Variants in TMEM74 observed in about 807,000 individuals in gnomAD.
TMEM74 encodes the protein transmembrane protein 74.
In TMEM74, 13 loss-of-function variants were observed where a neutral mutation model predicts 18.1. That is an observed-to-expected ratio of 0.72 (90% CI 0.47 to 1.14). The LOEUF (loss-of-function observed/expected upper bound fraction) is 1.14, where lower values mean the gene tolerates loss of function less well. Ranked by LOEUF, TMEM74 falls within the 50% of genes most tolerant of loss-of-function variation. The probability of loss-of-function intolerance (pLI) is 0.00; values close to 1 mark genes in which losing one functional copy is unlikely to be tolerated. For missense variants in TMEM74, 372 were observed against 375.9 expected (o/e 0.99, Z 0.09); for synonymous variants, 159 against 146.6 (o/e 1.08, Z -0.61).
intron 1 of TMEM74, among the ~76,000 whole-genome samples, chr8:108,668,796 CTT>C (rs1241585562): frequency 1.3e-5 from 2 of 152,082 alleles, no homozygotes; most frequent in Non-Finnish European, 2.9e-5. Flanking sequence ...ACATTAAAAA[CTT>C]TTTTGTCAAT....
intron 2 of TMEM74, among the ~76,000 whole-genome samples, chr8:108,630,765 G>A (rs973692706): frequency 1.3e-5 from 2 of 151,956 alleles, no homozygotes; most frequent in Non-Finnish European, 2.9e-5. Context: ...AAATCAAAAA[G>A]TTCTTTGAAA....
intron 1 of TMEM74, among the ~76,000 whole-genome samples, chr8:108,687,318 A>C (rs1455335355): frequency 6.7e-6 from 1 of 150,210 alleles, no homozygotes; most frequent in Non-Finnish European, 1.5e-5. Flanking sequence ...TTTCTGCACA[A>C]GGAAAGATCC....
Position 108,773,833 on chromosome 8 carries a change from G to A in TMEM74, n.119+13643C>T, listed in dbSNP as rs1334170709. 9.9e-5 allele frequency among the ~76,000 whole-genome samples: 15 copies of A among 152,246 alleles called. 1 individual carries two copies. The South Asian group carries it at 2.3e-3, about 23-fold the overall frequency. ...GTCGCAGGCAAGCCTTAAAATGCCCGTAACCCTAGCCAACAGCGTGACTGA... is the reference window on the plus strand; with the variant it reads ...GTCGCAGGCAAGCCTTAAAATGCCCATAACCCTAGCCAACAGCGTGACTGA... On this transcript the variant is annotated intron_variant and non_coding_transcript_variant, in intron 1 of 3. Coordinates refer to the TMEM74 transcript ENST00000518838.
At chr8:108,729,980 A>G (rs1015910135) in intron 1 of TMEM74, among the ~76,000 whole-genome samples, 1 of 152,210 alleles carries the variant, frequency 6.6e-6, no homozygotes, top group African/African-American at 2.4e-5. Flanking sequence ...ACTGGACCCC[A>G]CGAATACTTC....
chr8:108,742,322 A>C (rs1277726269), intron 1 of TMEM74, among the ~76,000 whole-genome samples: 1 of 152,236 alleles, frequency 6.6e-6, no homozygotes, highest in African/African-American at 2.4e-5. Context: ...TTCACAGCAC[A>C]TAAATAATTT....
chr8:108,693,803 A>G (rs1349579174), intron 1 of TMEM74, among the ~76,000 whole-genome samples: 1 of 152,218 alleles, frequency 6.6e-6, no homozygotes, highest in Non-Finnish European at 1.5e-5. Flanking sequence ...AGAGTAAAGA[A>G]TAATACACGA....
chr8:108,676,435 C>G (rs1461956800), intron 1 of TMEM74, among the ~76,000 whole-genome samples: 1 of 152,066 alleles, frequency 6.6e-6, no homozygotes, highest in East Asian at 1.9e-4. Context: ...CACAGTCCCC[C>G]CTCAAAGCCT....
At chr8:108,710,123 G>GT (rs1284316862) in intron 1 of TMEM74, among the ~76,000 whole-genome samples, 1 of 152,208 alleles carries the variant, frequency 6.6e-6, no homozygotes, top group African/African-American at 2.4e-5. Context: ...GCATCATAAG[G>GT]TGCCTAGCAC....
intron 2 of TMEM74, among the ~76,000 whole-genome samples, chr8:108,638,882 G>A (rs1586243087): frequency 6.6e-6 from 1 of 152,142 alleles, no homozygotes; most frequent in African/African-American, 2.4e-5. Flanking sequence ...TGACTGAGGC[G>A]TGACCATGTG....
At chr8:108,718,897 G>A (rs1259194872) in intron 1 of TMEM74, among the ~76,000 whole-genome samples, 1 of 151,636 alleles carries the variant, frequency 6.6e-6, no homozygotes, top group Non-Finnish European at 1.5e-5. Context: ...AAGCAATAAA[G>A]AGATAATGAA....
At chr8:108,693,481 C>A (rs1289198493) in intron 1 of TMEM74, among the ~76,000 whole-genome samples, 1 of 152,118 alleles carries the variant, frequency 6.6e-6, no homozygotes, top group Admixed American at 6.6e-5. Context: ...AAAGTCACTC[C>A]ATGATGAAAG....
At chr8:108,613,679 A>G (rs1812356645) in intron 2 of TMEM74, among the ~76,000 whole-genome samples, 1 of 152,226 alleles carries the variant, frequency 6.6e-6, no homozygotes, top group Non-Finnish European at 1.5e-5. Flanking sequence ...TGTCCACCAC[A>G]AAGAGAATGC....
At chr8:108,611,276 T>C (rs1011766561) in intron 2 of TMEM74, among the ~76,000 whole-genome samples, 1 of 152,150 alleles carries the variant, frequency 6.6e-6, no homozygotes, top group East Asian at 1.9e-4. Flanking sequence ...TTCCAAAGAT[T>C]TAGGAGTTTA....
At chr8:108,614,058 G>T (rs1160572661) in intron 2 of TMEM74, among the ~76,000 whole-genome samples, 2 of 149,494 alleles carry the variant, frequency 1.3e-5, no homozygotes, top group Non-Finnish European at 1.5e-5. Flanking sequence ...TTTGTATGGG[G>T]TATTTTTTTA....
intron 1 of TMEM74, among the ~76,000 whole-genome samples, chr8:108,771,795 T>G (rs1814176254): frequency 6.6e-6 from 1 of 152,208 alleles, no homozygotes; most frequent in Non-Finnish European, 1.5e-5. Flanking sequence ...TTTATCCATC[T>G]TTTTGAATAT....
intron 1 of TMEM74, among the ~76,000 whole-genome samples, chr8:108,762,698 C>T (rs528875321): frequency 6.6e-6 from 1 of 152,104 alleles, no homozygotes; most frequent in Admixed American, 6.6e-5. Flanking sequence ...GAATGGTACT[C>T]TTATGTAATT....
intron 2 of TMEM74, among the ~76,000 whole-genome samples, chr8:108,635,076 T>C (rs928104063): frequency 1.3e-5 from 2 of 152,014 alleles, no homozygotes; most frequent in African/African-American, 2.4e-5. Context: ...AAATGTATCA[T>C]GGTCAAATCA....
At chr8:108,733,505 G>A (rs1813716349) in intron 1 of TMEM74, among the ~76,000 whole-genome samples, 2 of 152,146 alleles carry the variant, frequency 1.3e-5, no homozygotes, top group South Asian at 4.1e-4. Flanking sequence ...GGAGTTACTG[G>A]AAAGGGGTAG....
chr8:108,720,465 G>A (rs371784336), intron 1 of TMEM74, among the ~76,000 whole-genome samples: 39 of 152,244 alleles, frequency 2.6e-4, no homozygotes, highest in African/African-American at 8.9e-4. Flanking sequence ...ATTCACTGGC[G>A]TGCCTTTCTC....
Sources: allele counts gnomAD v4.1 joint callset (sites outside exome capture counted in the v4.1 genomes callset), GRCh38; gene constraint gnomAD v4.1.1; transcripts MANE v1.5; gene names NCBI Gene and HGNC (gene_info 2026-07-23, HGNC 2026-07-21).